PVT1: variants seen among roughly 807,000 people sequenced by gnomAD.
PVT1 encodes Pvt1 oncogene.
chr8:127,884,329 G>A (rs1212798252), intron 2 of PVT1, among the ~76,000 whole-genome samples: 3 of 152,160 alleles, frequency 2.0e-5, no homozygotes, highest in Non-Finnish European at 2.9e-5. Context: ...ATTCTCACTG[G>A]TCGCTAGATT....
At chr8:127,951,877 A>G (rs924859735) in intron 3 of PVT1, among the ~76,000 whole-genome samples, 5 of 150,168 alleles carry the variant, frequency 3.3e-5, no homozygotes, top group African/African-American at 1.2e-4. Flanking sequence ...GTGCAGTGGC[A>G]TGATCTCGGC....
At chr8:128,041,481 G>A in intron 4 of PVT1, among the ~76,000 whole-genome samples, 1 of 147,028 alleles carries the variant, frequency 6.8e-6, no homozygotes, top group African/African-American at 2.5e-5. Flanking sequence ...GTGTGTGCCT[G>A]GTGCGTATGT....
chr8:127,897,560 A>G (rs376044242), intron 3 of PVT1, among the ~76,000 whole-genome samples: 2 of 149,920 alleles, frequency 1.3e-5, no homozygotes, highest in Admixed American at 6.6e-5. Context: ...AAAGAAGGAA[A>G]GAAAGAAGGA....
intron 3 of PVT1, among the ~76,000 whole-genome samples, chr8:127,964,719 T>TA (rs1414485586): frequency 6.6e-6 from 1 of 152,210 alleles, no homozygotes; most frequent in East Asian, 1.9e-4. Context: ...TCTCTGCTCT[T>TA]GTCTCCACGT....
chr8:128,007,169 C>T (rs1433420627), intron 4 of PVT1, among the ~76,000 whole-genome samples: 10 of 152,166 alleles, frequency 6.6e-5, no homozygotes, highest in Non-Finnish European at 1.3e-4. Context: ...CGCATGACTG[C>T]GGGCTGCGTT....
chr8:128,098,324 C>T (rs1362258463), intron 6 of PVT1, among the ~76,000 whole-genome samples: 2 of 152,048 alleles, frequency 1.3e-5, no homozygotes, highest in Non-Finnish European at 2.9e-5. Flanking sequence ...AACTTCTAGG[C>T]GGAGCAGATG....
intron 2 of PVT1, among the ~76,000 whole-genome samples, chr8:127,818,531 A>T (rs775537132): frequency 3.9e-5 from 6 of 152,174 alleles, no homozygotes; most frequent in Non-Finnish European, 7.3e-5. Context: ...CTTTTTATAA[A>T]TGAGGGCTCT....
At chr8:128,062,001 T>C (rs145539896) in intron 4 of PVT1, among the ~76,000 whole-genome samples, 77 of 152,364 alleles carry the variant, frequency 5.1e-4, no homozygotes, top group African/African-American at 1.8e-3. Flanking sequence ...CACCTTCCCA[T>C]GGACACAGGG....
At chr8:127,944,178 C>T (rs1041103290) in intron 3 of PVT1, among the ~76,000 whole-genome samples, 6 of 152,148 alleles carry the variant, frequency 3.9e-5, no homozygotes, top group African/African-American at 1.4e-4. Context: ...TCCTCAAACT[C>T]CTGGGCTCAA....
At chr8:127,813,857 A>G (rs779815763) in intron 2 of PVT1, among the ~76,000 whole-genome samples, 1 of 152,188 alleles carries the variant, frequency 6.6e-6, no homozygotes, top group African/African-American at 2.4e-5. Flanking sequence ...ATCTCGGCTC[A>G]CTGCACCCTC....
chr8:127,991,140 C>CTT (rs35494368), intron 4 of PVT1, among the ~76,000 whole-genome samples: 44 of 73,088 alleles, frequency 6.0e-4, no homozygotes, highest in Non-Finnish European at 6.7e-4. Flanking sequence ...TCTTTTCTTT[C>CTT]TTTTTTTTTT....
At chr8:127,983,214 C>T (rs1816904981) in intron 3 of PVT1, among the ~76,000 whole-genome samples, 1 of 152,194 alleles carries the variant, frequency 6.6e-6, no homozygotes, top group South Asian at 2.1e-4. Context: ...CTAATTATTT[C>T]CTGATGGCCC....
intron 5 of PVT1, among the ~76,000 whole-genome samples, chr8:128,087,026 G>A (rs1814266708): frequency 6.6e-6 from 1 of 152,238 alleles, no homozygotes; most frequent in Non-Finnish European, 1.5e-5. Context: ...CAGCGTCTTT[G>A]CTTAGGTTGC....
At chr8:128,077,589 G>A (rs1297909781) in intron 5 of PVT1, among the ~76,000 whole-genome samples, 2 of 152,100 alleles carry the variant, frequency 1.3e-5, no homozygotes, top group Non-Finnish European at 2.9e-5. Flanking sequence ...AACCAAAAAG[G>A]CAGTACCACG....
intron 4 of PVT1, among the ~76,000 whole-genome samples, chr8:128,024,902 A>G (rs547721494): frequency 7.9e-5 from 12 of 152,172 alleles, no homozygotes; most frequent in African/African-American, 9.7e-5. Context: ...GGGTCTCGCT[A>G]TGTTGACCAG....
intron 3 of PVT1, among the ~76,000 whole-genome samples, chr8:127,956,335 G>A (rs1447708915): frequency 6.6e-6 from 1 of 152,264 alleles, no homozygotes; most frequent in Non-Finnish European, 1.5e-5. Flanking sequence ...CTGGCAAGAA[G>A]GGAGCTCTGA....
In PVT1 at chr8:127,979,710, T is replaced by C. The variant is rs77587780; in HGVS notation, n.783-9452T>C. Among the ~76,000 whole-genome samples, 22 of 152,324 alleles carry C rather than the reference T, an allele frequency of 1.4e-4. No homozygotes were observed. The East Asian group carries it at 4.2e-3, about 29-fold the overall frequency. On this transcript the variant is annotated intron_variant and non_coding_transcript_variant, in intron 3 of 10. Coordinates refer to ENST00000651587, the Ensembl canonical transcript of PVT1. ...AGGTGAGGGTTGATCAGTCATTTCA[T>C]GTGCCCCCGACCCCACCACCCAAAG...
intron 3 of PVT1, among the ~76,000 whole-genome samples, chr8:127,914,298 A>C (rs1021997178): frequency 1.7e-4 from 24 of 144,178 alleles, no homozygotes; most frequent in African/African-American, 6.4e-4. Context: ...AAAAAAAAAA[A>C]AAGGCAGAAA....
intron 2 of PVT1, among the ~76,000 whole-genome samples, chr8:127,875,043 T>G (rs1029343212): frequency 6.6e-6 from 1 of 152,026 alleles, no homozygotes; most frequent in Non-Finnish European, 1.5e-5. Flanking sequence ...GTATTTAGAG[T>G]GGAGGAACGT....
Sources: gnomAD v4.1 joint callset for allele counts (sites outside exome capture counted in the v4.1 genomes callset) on GRCh38, gnomAD v4.1.1 for gene constraint, MANE v1.5 for transcripts, NCBI Gene and HGNC (gene_info 2026-07-23, HGNC 2026-07-21) for gene names.